The following PPEF1 variants were observed in gnomAD, a reference collection of about 807,000 sequenced individuals.
PPEF1 encodes serine/threonine-protein phosphatase with EF-hands 1.
In PPEF1, 12 loss-of-function variants were observed where a neutral mutation model predicts 53.3. The ratio of observed to expected loss-of-function variants is 0.23; its 90% confidence interval spans 0.14 to 0.36. The LOEUF is 0.36. PPEF1 is among the 10% of genes least tolerant of loss of function. PPEF1 has a pLI of 1.00. For missense variants in PPEF1, 334 were observed against 490.4 expected (o/e 0.68, Z 3.01); for synonymous variants, 165 against 176.7 (o/e 0.93, Z 0.52).
chrX:18,762,655 C>T (rs181178501), intron 6 of PPEF1, among the ~76,000 whole-genome samples: 2,183 of 111,998 alleles, frequency 0.019, 34 homozygotes, highest in Non-Finnish European at 0.029. Context: ...ATTCATGCCT[C>T]CCCTTTTTAG....
At chrX:18,675,295 C>T (rs1928633079), upstream of PPEF1, among the ~76,000 whole-genome samples, 1 of 113,606 alleles carries the variant, frequency 8.8e-6, no homozygotes, top group African/African-American at 3.2e-5. Context: ...GGGCTTTGCG[C>T]CCCCGGCAGC....
At chrX:18,742,158 A>AT (rs1235551152) in intron 3 of PPEF1, among the ~76,000 whole-genome samples, 57 of 111,220 alleles carry the variant, frequency 5.1e-4, no homozygotes, top group African/African-American at 1.8e-3. Context: ...TAATTTGGTC[A>AT]TTTTTATTGC....
chrX:18,706,543 G>A (rs1005217631), upstream of PPEF1, among the ~76,000 whole-genome samples: 2 of 110,262 alleles, frequency 1.8e-5, no homozygotes, highest in Non-Finnish European at 3.8e-5. Flanking sequence ...TCAGGAGTTC[G>A]AGACCATCCT....
In PPEF1 at chrX:18,757,567, A is replaced by G. The variant is rs111535674; in HGVS notation, c.397-60A>G. ...GCTTGCTCCACCTTTACAGTTTTCT[A>G]TACAGTCATGTCTTTCTTCCTTGTT... On this transcript the variant is annotated intron_variant, in intron 4 of 15. Transcript: ENST00000470157. 76 of 903,011 alleles carry G rather than the reference A, an allele frequency of 8.4e-5. No homozygotes were observed. In the African/African-American group the frequency reaches 1.1e-3, roughly 13 times the overall value. 74.4% of individuals were successfully genotyped at this position (903,011 alleles called of 1,213,427 possible).
At position 18,751,490 on chromosome X, in the gene PPEF1, A is replaced by G. The variant is rs187117554; in HGVS notation, c.396+1538A>G. On this transcript the variant is annotated intron_variant, in intron 4 of 15. Transcript: ENST00000470157. ...GTCTTTGCACCCTTGTCAAAAATCAATAGGCCAGGCCGGGCACAGTGGCTC... is the reference window on the plus strand; with the variant it reads ...GTCTTTGCACCCTTGTCAAAAATCAGTAGGCCAGGCCGGGCACAGTGGCTC... Among the ~76,000 whole-genome samples, 270 of 112,263 alleles carry G rather than the reference A, an allele frequency of 2.4e-3. 2 individuals are homozygous for G. The highest frequency in any genetic ancestry group is 8.2e-3 in the African/African-American group (255 of 30,953).
At position 18,723,598 on chromosome X, in the gene PPEF1, A is replaced by T. The variant is rs139992498; in HGVS notation, c.47-6583A>T. 2.1e-3 allele frequency among the ~76,000 whole-genome samples: 235 copies of T among 111,379 alleles called. 4 individuals carry two copies. In the East Asian group the frequency reaches 0.054, roughly 25 times the overall value. Reference sequence around the variant, plus strand: ...CCAGGCCTTGCCCCAGGTGCTGCGGATGCAGCAATGAAAAAAATGAAGTTC... The same window carrying T: ...CCAGGCCTTGCCCCAGGTGCTGCGGTTGCAGCAATGAAAAAAATGAAGTTC... On this transcript the variant is annotated intron_variant, in intron 1 of 15. Coordinates refer to ENST00000470157, the MANE Select transcript of PPEF1 (RefSeq NM_001377996.1).
intron 6 of PPEF1, among the ~76,000 whole-genome samples, chrX:18,766,207 A>G (rs1002420222): frequency 2.7e-5 from 3 of 111,268 alleles, no homozygotes; most frequent in African/African-American, 9.8e-5. Flanking sequence ...TAGCAAAAGA[A>G]TGTCCTAAGT....
intron 9 of PPEF1, 55 bp from the exon 10 acceptor site, chrX:18,789,066 C>T (rs760344305): frequency 1.4e-5 from 16 of 1,171,798 alleles, no homozygotes; most frequent in Non-Finnish European, 1.8e-5. Flanking sequence ...ACTGAAGTCT[C>T]TGTATGTGGC....
At chrX:18,805,273 C>T (rs1316872229) in intron 11 of PPEF1, among the ~76,000 whole-genome samples, 3 of 111,182 alleles carry the variant, frequency 2.7e-5, no homozygotes, top group Non-Finnish European at 3.8e-5. Context: ...CATTAGCCAC[C>T]GCGCCTGGCC....
intron 7 of PPEF1, among the ~76,000 whole-genome samples, chrX:18,781,040 C>T (rs1345338562): frequency 3.4e-5 from 3 of 87,573 alleles, no homozygotes; most frequent in Admixed American, 1.6e-4. Context: ...TGGGCGACAG[C>T]GCAAGACTCT....
At chrX:18,818,623 C>A (rs925393523) in intron 13 of PPEF1, among the ~76,000 whole-genome samples, 1 of 111,773 alleles carries the variant, frequency 8.9e-6, no homozygotes, top group African/African-American at 3.2e-5. Flanking sequence ...TCCGCCTTGG[C>A]CTTCCAAAGT....
chrX:18,745,114 T>C (rs1282973304), intron 3 of PPEF1, among the ~76,000 whole-genome samples: 1 of 95,680 alleles, frequency 1.0e-5, no homozygotes, highest in African/African-American at 3.9e-5. Context: ...TATATAATTA[T>C]ATTATATATA....
chrX:18,724,635 C>G (rs186268515), intron 1 of PPEF1, among the ~76,000 whole-genome samples: 11 of 111,652 alleles, frequency 9.9e-5, no homozygotes, highest in African/African-American at 2.9e-4. Flanking sequence ...TTCATTCGTT[C>G]GTTCATTTAT....
rs769509138 is a variant in PPEF1, at chrX:18,827,371, A to G, written c.1846A>G (p.Asn616Asp). 1 of 1,208,976 alleles carries G rather than the reference A, an allele frequency of 8.3e-7. No individual in the cohort carries two copies. The highest frequency in any genetic ancestry group is 3.0e-5 in the East Asian group (1 of 33,845). ...IDDSQVNKLA[N>D]IMDLNKDGSI... ...TGATTCCCAAGTCAATAAGCTTGCCAACATAATGGACTTGAACAAAGATGG... is the reference window on the plus strand; with the variant it reads ...TGATTCCCAAGTCAATAAGCTTGCCGACATAATGGACTTGAACAAAGATGG... Residue 616 changes from asparagine to aspartate, a missense_variant, in exon 16 of 16, where the codon AAC (asparagine) becomes GAC (aspartate). Asn to Asp is a conservative substitution (Grantham distance 23, BLOSUM62 1). Transcript: ENST00000470157.
chrX:18,821,180 G>C (rs374233491), intron 13 of PPEF1, among the ~76,000 whole-genome samples: 3 of 99,961 alleles, frequency 3.0e-5, no homozygotes, highest in African/African-American at 7.4e-5. Flanking sequence ...CCGAGATTGC[G>C]CCACTGCACT....
At chrX:18,686,521 C>A (rs1398743951) in intron 3 of PPEF1, among the ~76,000 whole-genome samples, 2 of 111,261 alleles carry the variant, frequency 1.8e-5, no homozygotes, top group Non-Finnish European at 3.8e-5. Context: ...TGTGCTTGTT[C>A]CTGAAAAGTT....
intron 10 of PPEF1, among the ~76,000 whole-genome samples, chrX:18,793,331 T>A (rs1234215717): frequency 9.0e-6 from 1 of 111,546 alleles, no homozygotes; most frequent in Non-Finnish European, 1.9e-5. Context: ...AGTGTGTTGT[T>A]TAATTTCTAC....
upstream of PPEF1, among the ~76,000 whole-genome samples, chrX:18,703,924 T>G (rs1019992851): frequency 4.4e-4 from 19 of 43,643 alleles, no homozygotes; most frequent in African/African-American, 1.1e-3. Context: ...AACATACCTT[T>G]TTTTTTTTTT....
chrX:18,675,954 G>GC (rs1339568910), exon 1 of PPEF1: 2 of 85,307 alleles, frequency 2.3e-5, no homozygotes, highest in Non-Finnish European at 4.6e-5. Context: ...CAATCATTTG[G>GC]GCGGGGGGGG....
Sources: allele counts gnomAD v4.1 joint callset (sites outside exome capture counted in the v4.1 genomes callset), GRCh38; gene constraint gnomAD v4.1.1; transcripts MANE v1.5; gene names NCBI Gene and HGNC (gene_info 2026-07-23, HGNC 2026-07-21).